Variants in PTPRN2 observed in about 807,000 individuals in gnomAD.
PTPRN2 encodes receptor-type tyrosine-protein phosphatase N2.
A neutral mutation model predicts 118.8 loss-of-function variants in PTPRN2; 74 were observed. The ratio of observed to expected loss-of-function variants is 0.62; its 90% confidence interval spans 0.52 to 0.76. The LOEUF (loss-of-function observed/expected upper bound fraction) is 0.76, where lower values mean the gene tolerates loss of function less well. PTPRN2 is among the 30% of genes least tolerant of loss of function. The pLI is 0.00. For missense variants in PTPRN2, 1,481 were observed against 1,394.4 expected (o/e 1.06, Z -0.99); for synonymous variants, 641 against 608.0 (o/e 1.05, Z -0.80).
chr7:157,684,698 G>C (rs1328050956), intron 12 of PTPRN2, among the ~76,000 whole-genome samples: 1 of 151,486 alleles, frequency 6.6e-6, no homozygotes, highest in African/African-American at 2.4e-5. Context: ...CCGCCCACCG[G>C]GTCTCCTGCG....
At chr7:158,532,501 G>A (rs997635753) in intron 1 of PTPRN2, among the ~76,000 whole-genome samples, 3 of 152,036 alleles carry the variant, frequency 2.0e-5, no homozygotes, top group African/African-American at 4.8e-5. Flanking sequence ...AACCCCCACC[G>A]ATGCCTCCAC....
intron 3 of PTPRN2, among the ~76,000 whole-genome samples, chr7:158,236,682 T>A (rs752341185): frequency 9.9e-5 from 15 of 152,148 alleles, no homozygotes; most frequent in Non-Finnish European, 2.2e-4. Flanking sequence ...AGTTACCCAG[T>A]TACCCGGTGC....
chr7:158,072,238 A>G (rs1563395380), intron 11 of PTPRN2, among the ~76,000 whole-genome samples: 1 of 152,160 alleles, frequency 6.6e-6, no homozygotes, highest in Non-Finnish European at 1.5e-5. Flanking sequence ...GCAAATACGT[A>G]GAATGCTGTC....
intron 22 of PTPRN2, 105 bp downstream of exon 22, chr7:157,548,841 G>T: frequency 1.7e-6 from 2 of 1,145,264 alleles, no homozygotes; most frequent in Non-Finnish European, 2.6e-6. Flanking sequence ...AGCAATCGGT[G>T]TGCGGCTCAC....
At chr7:157,806,247 C>T (rs1563129004) in intron 12 of PTPRN2, among the ~76,000 whole-genome samples, 1 of 152,174 alleles carries the variant, frequency 6.6e-6, no homozygotes, top group Admixed American at 6.5e-5. Flanking sequence ...TCCAAATCAG[C>T]ATTTTCCTTT....
chr7:157,689,007 C>G (rs1238360693), intron 12 of PTPRN2, among the ~76,000 whole-genome samples: 1 of 152,204 alleles, frequency 6.6e-6, no homozygotes, highest in African/African-American at 2.4e-5. Flanking sequence ...GGCCACAGAG[C>G]GCGCCGGCCG....
intron 12 of PTPRN2, among the ~76,000 whole-genome samples, chr7:157,806,818 T>G (rs1805665163): frequency 6.6e-6 from 1 of 152,204 alleles, no homozygotes; most frequent in Admixed American, 6.5e-5. Flanking sequence ...GTGGTCTGCA[T>G]GAACAAAGTG....
intron 2 of PTPRN2, among the ~76,000 whole-genome samples, chr7:158,374,789 C>T (rs568137599): frequency 2.0e-5 from 3 of 152,210 alleles, no homozygotes; most frequent in South Asian, 2.1e-4. Context: ...AAGTCATTTC[C>T]GGGGCGGGGA....
At chr7:157,778,906 T>C (rs7807362) in intron 12 of PTPRN2, among the ~76,000 whole-genome samples, 28,786 of 152,254 alleles carry the variant, frequency 0.19, 3,522 homozygotes, top group African/African-American at 0.35. Context: ...CACTGCTCTC[T>C]GGACAGACCA....
At chr7:158,331,034 A>C (rs1586298556) in intron 2 of PTPRN2, among the ~76,000 whole-genome samples, 2 of 140,938 alleles carry the variant, frequency 1.4e-5, no homozygotes, top group African/African-American at 5.3e-5. Context: ...CACTCTCACC[A>C]TAAGAGGTGA....
intron 6 of PTPRN2, among the ~76,000 whole-genome samples, chr7:158,150,490 T>G (rs73173626): frequency 6.6e-6 from 1 of 152,106 alleles, no homozygotes; most frequent in African/African-American, 2.4e-5. Context: ...TCCCCTGCAC[T>G]GACCTTCACT....
chr7:158,071,759 G>T (rs1417598323), intron 11 of PTPRN2, among the ~76,000 whole-genome samples: 2 of 143,434 alleles, frequency 1.4e-5, no homozygotes, highest in South Asian at 2.4e-4. Flanking sequence ...TGGTGGAGGT[G>T]CTCGTGGTGA....
At chr7:158,372,950 C>T (rs531350648) in intron 2 of PTPRN2, among the ~76,000 whole-genome samples, 100 of 152,198 alleles carry the variant, frequency 6.6e-4, no homozygotes, top group African/African-American at 1.9e-3. Flanking sequence ...ATCCCTCCTG[C>T]AATCTGGGGC....
intron 14 of PTPRN2, among the ~76,000 whole-genome samples, chr7:157,639,132 G>A (rs937992997): frequency 4.0e-5 from 6 of 151,812 alleles, no homozygotes; most frequent in African/African-American, 1.5e-4. Context: ...TGCCTCCTGG[G>A]TTCAAGTGAT....
At chr7:158,494,067 G>C (rs1821650585) in intron 1 of PTPRN2, among the ~76,000 whole-genome samples, 2 of 152,226 alleles carry the variant, frequency 1.3e-5, no homozygotes, top group African/African-American at 4.8e-5. Context: ...GTTTTGCAAG[G>C]AGTCAGGCTG....
chr7:157,849,294 C>T (rs1011708800), intron 12 of PTPRN2, among the ~76,000 whole-genome samples: 2 of 152,202 alleles, frequency 1.3e-5, no homozygotes, highest in African/African-American at 4.8e-5. Context: ...CAGCATGAGG[C>T]CACCGTCATT....
chr7:158,482,995 T>A lies in PTPRN2; in HGVS notation c.163+6740A>T, dbSNP rs922431220. 1.4e-4 allele frequency among the ~76,000 whole-genome samples: 22 copies of A among 152,190 alleles called. 1 individual carries two copies. Among genetic ancestry groups the A allele is most frequent in the Non-Finnish European group, 3.1e-4 (21 of 68,034 alleles). On this transcript the variant is annotated intron_variant, in intron 2 of 22. Coordinates refer to ENST00000389418, the MANE Select transcript of PTPRN2 (RefSeq NM_002847.5). ...GCCTCCCTATGCCCAGAGGGGAATG[T>A]CCTTATCTCCGAAGACACAGAAGCA...
At chr7:157,758,427 C>T (rs1253591473) in intron 12 of PTPRN2, among the ~76,000 whole-genome samples, 1 of 151,896 alleles carries the variant, frequency 6.6e-6, no homozygotes, top group Non-Finnish European at 1.5e-5. Context: ...CACGAGGCCA[C>T]ACAGCTGGTC....
Position 158,206,584 on chromosome 7 carries a change from A to G in PTPRN2, c.278-1311T>C, listed in dbSNP as rs1827170148. Among the ~76,000 whole-genome samples the G allele has an allele frequency of 2.0e-5, 3 of 151,866 alleles. No homozygotes were observed. The South Asian group carries it at 6.3e-4, about 32-fold the overall frequency. On this transcript the variant is annotated intron_variant, in intron 3 of 22. Transcript: ENST00000389418. The stretch of plus-strand genomic sequence containing the variant: ...CTCGGGGAGGGGGGGAGAGAGAGAG[A>G]CCGTCCGTTCGTTTGTCTCGGAGAA...
Sources: allele counts gnomAD v4.1 joint callset (sites outside exome capture counted in the v4.1 genomes callset), GRCh38; gene constraint gnomAD v4.1.1; transcripts MANE v1.5; gene names NCBI Gene and HGNC (gene_info 2026-07-23, HGNC 2026-07-21).